The following C4orf50 variants were observed in gnomAD, a reference collection of about 807,000 sequenced individuals.
C4orf50 encodes the protein uncharacterized protein C4orf50.
C4orf50 carries 80 observed loss-of-function variants against 77.2 expected under a neutral mutation model. That is an observed-to-expected ratio of 1.04 (90% CI 0.87 to 1.25). The LOEUF (loss-of-function observed/expected upper bound fraction) is 1.25. Among genes scored for constraint, C4orf50 ranks in the 50% most tolerant of loss-of-function variants. C4orf50 has a pLI of 0.00. For synonymous variants in C4orf50, 532 were observed against 465.3 expected (o/e 1.14, Z -1.84); for missense variants, 1,257 against 1,152.9 (o/e 1.09, Z -1.31).
At chr4:5,936,158 G>A (rs1047152228) in intron 7 of C4orf50, among the ~76,000 whole-genome samples, 8 of 151,850 alleles carry the variant, frequency 5.3e-5, no homozygotes, top group Non-Finnish European at 8.8e-5. Context: ...AAGATCACAC[G>A]GCCTGGATTT....
chr4:5,928,586 C>T (rs893982898), intron 7 of C4orf50, among the ~76,000 whole-genome samples: 10 of 152,158 alleles, frequency 6.6e-5, no homozygotes, highest in Non-Finnish European at 1.5e-4. Flanking sequence ...GAAGGACGAG[C>T]ACCGGGATGA....
chr4:5,989,050 G>C (rs1721085773), exon 28 of C4orf50: 1 of 1,535,884 alleles, frequency 6.5e-7, no homozygotes, highest in Admixed American at 2.0e-5. Context: ...GTCAGAGATT[G>C]CCTGTAAATA....
intron 30 of C4orf50, among the ~76,000 whole-genome samples, chr4:5,974,442 T>C (rs1720134114): frequency 8.5e-6 from 1 of 118,074 alleles, no homozygotes; most frequent in South Asian, 3.5e-4. Context: ...ATTTTTATTT[T>C]ACGGGCGCCA....
chr4:5,990,204 G>A, exon 28 of C4orf50: 1 of 1,245,130 alleles, frequency 8.0e-7, no homozygotes, highest in South Asian at 3.9e-5. Context: ...CAGGGCGGCA[G>A]GTGGCGGCCT....
intron 23 of C4orf50, among the ~76,000 whole-genome samples, chr4:6,013,784 T>C (rs76401179): frequency 0.16 from 23,617 of 152,078 alleles, 2,252 homozygotes; most frequent in Non-Finnish European, 0.21. Flanking sequence ...AGGAAATGGA[T>C]TTCCCCTCCA....
intron 7 of C4orf50, among the ~76,000 whole-genome samples, chr4:5,914,104 A>G (rs971680653): frequency 7.9e-5 from 12 of 152,068 alleles, no homozygotes; most frequent in African/African-American, 2.9e-4. Flanking sequence ...ATAAAATTGT[A>G]TATTGACTAT....
rs541284747 is a variant in C4orf50 at position 5,919,291 on chromosome 4, A to G, written c.*2475-21103T>C. 3.3e-5 allele frequency among the ~76,000 whole-genome samples: 5 copies of G among 152,252 alleles called. No individual in the cohort carries two copies. The highest frequency in any genetic ancestry group is 1.2e-4 in the African/African-American group (5 of 41,558). On this transcript the variant is annotated intron_variant, in intron 7 of 7. Transcript: ENST00000324058. The surrounding 1 kb of genome is among the most constrained non-coding windows in gnomAD (Gnocchi z 6.5). ...TTGGCAGACCCAATGCCCGATTTCC[A>G]TGGCTACCACAGCTCAGGAAGGTTC...
intron 32 of C4orf50, 54 bp from the exon 11 acceptor site, chr4:5,965,199 C>G: frequency 6.4e-7 from 1 of 1,570,230 alleles, no homozygotes; most frequent in South Asian, 1.2e-5. Flanking sequence ...GGTGAAAAGT[C>G]TACAAGTGTC....
rs144840767 is a variant in C4orf50, at chr4:5,988,718, C to T, written c.3328G>A (p.Asp1110Asn). 6 of 1,536,004 alleles carry T rather than the reference C, an allele frequency of 3.9e-6. No homozygotes were observed. In the African/African-American group the frequency reaches 5.5e-5, roughly 14 times the overall value. The stretch of plus-strand genomic sequence containing the variant: ...CTTCCCCTCACCAAACGCCCCTGAT[C>T]CGTGCTCCTCTGCAAGGTGACTTCC... Residue 1110 changes from aspartate (D) to asparagine (N), a missense_variant, in exon 28 of 34, where the codon GAT (aspartate) becomes AAT (asparagine). Coordinates refer to ENST00000531445, the Ensembl canonical transcript of C4orf50.
intron 31 of C4orf50, among the ~76,000 whole-genome samples, chr4:5,971,708 AT>A (rs1455482721): frequency 1.3e-5 from 2 of 152,176 alleles, no homozygotes; most frequent in African/African-American, 4.8e-5. Context: ...TACGCTGACA[AT>A]TTTTCATCCA....
intron 7 of C4orf50, among the ~76,000 whole-genome samples, chr4:5,917,569 A>ACAGGCACG: frequency 1.3e-5 from 2 of 151,620 alleles, no homozygotes; most frequent in East Asian, 3.9e-4. Context: ...ACGCACCACC[A>ACAGGCACG]CATCCAGCTA....
intron 31 of C4orf50, among the ~76,000 whole-genome samples, chr4:5,972,026 GAC>G: frequency 1.0e-5 from 1 of 96,670 alleles, no homozygotes; most frequent in Non-Finnish European, 2.2e-5. Context: ...TTTTTTTTTT[GAC>G]ACAGTCTTGC....
chr4:6,002,420 A>G (rs934067491), intron 25 of C4orf50, among the ~76,000 whole-genome samples: 4 of 152,200 alleles, frequency 2.6e-5, no homozygotes, highest in African/African-American at 4.8e-5. Flanking sequence ...AGCAGGTTTG[A>G]GGTACTTTGT....
At chr4:5,925,867 T>A (rs554426744) in intron 7 of C4orf50, among the ~76,000 whole-genome samples, 29 of 151,746 alleles carry the variant, frequency 1.9e-4, no homozygotes, top group Admixed American at 7.2e-4. Flanking sequence ...GGGAAGGGGG[T>A]CTTAAGGACT....
At chr4:5,953,934 G>A (rs1299630861), downstream of C4orf50, among the ~76,000 whole-genome samples, 1 of 152,230 alleles carries the variant, frequency 6.6e-6, no homozygotes, top group Non-Finnish European at 1.5e-5. Flanking sequence ...ACAGCCCAAG[G>A]AAAGAGTACG....
rs1171999520 is a variant in C4orf50 at position 5,916,225 on chromosome 4, C to T, written c.*2475-18037G>A. Among the ~76,000 whole-genome samples, 1 of 152,200 alleles carries T rather than the reference C, an allele frequency of 6.6e-6. No homozygotes were observed. The highest frequency in any genetic ancestry group is 2.4e-5 in the African/African-American group (1 of 41,444). ...CTCACTGGACAGGGAACAGACGCAC[C>T]AACAGCTCCTGGTTACTCTGGGGGG... On this transcript the variant is annotated intron_variant, in intron 7 of 7. Transcript: ENST00000324058. The surrounding 1 kb of genome is among the most constrained non-coding windows in gnomAD (Gnocchi z 4.4).
chr4:6,004,102 TG>T (rs1722047047), intron 25 of C4orf50, among the ~76,000 whole-genome samples: 11 of 114,954 alleles, frequency 9.6e-5, no homozygotes, highest in South Asian at 6.5e-4. Context: ...ATGGTGATGA[TG>T]GTGATGGTGA....
downstream of C4orf50, chr4:5,956,733 A>G (rs962619444): frequency 3.3e-5 from 5 of 152,358 alleles, no homozygotes; most frequent in Admixed American, 3.3e-4. Flanking sequence ...CCTCCAGGGA[A>G]GTCCGCCATT....
rs536815781 is a variant in C4orf50, at chr4:6,011,338, G to C, written c.426+492C>G. Among the ~76,000 whole-genome samples, 3 of 152,146 alleles carry C rather than the reference G, an allele frequency of 2.0e-5. No homozygotes were observed. The South Asian group carries it at 6.2e-4, about 32-fold the overall frequency. ...GTGTTCTCCCACACCTCTGTGCTAC[G>C]GCCCCGTGCTGTCAGCCACGCCTCA... On this transcript the variant is annotated intron_variant, in intron 24 of 33. Coordinates refer to ENST00000531445, the Ensembl canonical transcript of C4orf50. This position sits in a 1 kb window ranked among gnomAD's most constrained non-coding sequence, Gnocchi z 4.2.
Sources: gnomAD v4.1 joint callset for allele counts (sites outside exome capture counted in the v4.1 genomes callset) on GRCh38, gnomAD v4.1.1 for gene constraint, Gnocchi (gnomAD v3.1) non-coding constraint, MANE v1.5 for transcripts, NCBI Gene and HGNC (gene_info 2026-07-23, HGNC 2026-07-21) for gene names.